BBOX1: variants seen among roughly 807,000 people sequenced by gnomAD.
The protein encoded by BBOX1 is gamma-butyrobetaine hydroxylase 1, also known as gamma-butyrobetaine dioxygenase.
A neutral mutation model predicts 41.6 loss-of-function variants in BBOX1; 35 were observed. The observed-to-expected ratio is 0.84, with a 90% CI of 0.64 to 1.11. The LOEUF is 1.11. Among genes scored for constraint, BBOX1 ranks in the 50% most tolerant of loss-of-function variants. The probability of loss-of-function intolerance (pLI) is 0.00; values close to 1 mark genes in which losing one functional copy is unlikely to be tolerated. For missense variants in BBOX1, 458 were observed against 460.6 expected (o/e 0.99, Z 0.05); for synonymous variants, 163 against 154.7 (o/e 1.05, Z -0.40).
In BBOX1 at chr11:27,127,489, A is replaced by C. The variant is rs1270594808; in HGVS notation, c.*36A>C. 1.3e-6 allele frequency: 2 copies of C among 1,575,508 alleles called. No homozygotes were observed. Among genetic ancestry groups the C allele is most frequent in the Non-Finnish European group, 1.7e-6 (2 of 1,165,260 alleles). On this transcript the variant is annotated 3_prime_UTR_variant, in exon 9 of 9. Coordinates refer to ENST00000263182, the MANE Select transcript of BBOX1 (RefSeq NM_003986.3). ...AGATAATTTTAATAAGATTCCAATG[A>C]CCATATTTTGTGAGATATGGCACAT...
At chr11:27,094,034 G>C (rs993346361) in intron 5 of BBOX1, among the ~76,000 whole-genome samples, 8 of 151,912 alleles carry the variant, frequency 5.3e-5, no homozygotes, top group Non-Finnish European at 1.2e-4. Context: ...CCCAAGAGTT[G>C]GCTGAAAATA....
At chr11:27,123,587 G>A (rs955522494) in intron 7 of BBOX1, among the ~76,000 whole-genome samples, 1 of 152,182 alleles carries the variant, frequency 6.6e-6, no homozygotes, top group Non-Finnish European at 1.5e-5. Flanking sequence ...GTCAGAAGCA[G>A]TAGGGCTAGA....
At chr11:27,067,999 G>A (rs1263298331) in intron 4 of BBOX1, among the ~76,000 whole-genome samples, 1 of 151,934 alleles carries the variant, frequency 6.6e-6, no homozygotes, top group African/African-American at 2.4e-5. Flanking sequence ...ACTTAGATTG[G>A]TCCCATAACT....
chr11:27,096,573 T>C (rs1858446245), intron 5 of BBOX1, among the ~76,000 whole-genome samples: 1 of 152,020 alleles, frequency 6.6e-6, no homozygotes, highest in Non-Finnish European at 1.5e-5. Flanking sequence ...GGGAAACTAG[T>C]ACCCACCTCG....
At chr11:27,104,662 T>TA (rs1374805943) in intron 5 of BBOX1, among the ~76,000 whole-genome samples, 3 of 152,064 alleles carry the variant, frequency 2.0e-5, no homozygotes, top group Non-Finnish European at 4.4e-5. Flanking sequence ...ATTTTCACCT[T>TA]AAAAAAATGG....
chr11:27,047,887 TCTA>T (rs1444139381), intron 2 of BBOX1, among the ~76,000 whole-genome samples: 2 of 152,150 alleles, frequency 1.3e-5, no homozygotes, highest in African/African-American at 2.4e-5. Context: ...TACTGCTACT[TCTA>T]CTACTATTAC....
chr11:27,114,026 A>T (rs889263199), intron 5 of BBOX1, among the ~76,000 whole-genome samples: 1 of 151,906 alleles, frequency 6.6e-6, no homozygotes, highest in African/African-American at 2.4e-5. Context: ...ACCCAAAAAA[A>T]GCTACTAAAG....
intron 7 of BBOX1, among the ~76,000 whole-genome samples, chr11:27,122,410 G>T (rs1859497534): frequency 6.6e-6 from 1 of 152,124 alleles, no homozygotes; most frequent in Non-Finnish European, 1.5e-5. Context: ...AGTAGGAATT[G>T]CAGAGTTAAT....
In BBOX1 at chr11:27,057,223, A is replaced by T. The variant is rs1423564749; in HGVS notation, c.242A>T (p.Glu81Val). The stretch of plus-strand genomic sequence containing the variant: ...AAGGTGTACATCACATGGCCCGATG[A>T]GCATTACAGTGAATTCCAGGCTGAT... ...RKKVYITWPD[E>V]HYSEFQADWL... is the part of the protein sequence containing the mutation. The change falls in exon 4 of 9, where the codon GAG (glutamate) becomes GTG (valine). Residue 81 changes from glutamate (E) to valine (V), a missense_variant. Physicochemically the swap from Glu to Val is moderately radical, Grantham distance 121. Transcript: ENST00000263182. The T allele has an allele frequency of 1.9e-6, 3 of 1,607,872 alleles. No individual in the cohort carries two copies. The highest frequency in any genetic ancestry group is 2.5e-6 in the Non-Finnish European group (3 of 1,178,598).
At chr11:27,043,264 C>T (rs886723351) in intron 2 of BBOX1, among the ~76,000 whole-genome samples, 1 of 151,980 alleles carries the variant, frequency 6.6e-6, no homozygotes, top group Non-Finnish European at 1.5e-5. Context: ...GGGGTTTCAC[C>T]GTGTTAGCCA....
chr11:27,072,048 C>T (rs1245182183), intron 4 of BBOX1, among the ~76,000 whole-genome samples: 2 of 152,160 alleles, frequency 1.3e-5, no homozygotes, highest in Non-Finnish European at 2.9e-5. Context: ...TCCTATTCAA[C>T]ATAGTGTTGG....
chr11:27,048,581 T>A (rs975145014), intron 2 of BBOX1, among the ~76,000 whole-genome samples: 1 of 151,874 alleles, frequency 6.6e-6, no homozygotes, highest in African/African-American at 2.4e-5. Context: ...GTTTGATATA[T>A]ACCACATTTT....
intron 5 of BBOX1, among the ~76,000 whole-genome samples, chr11:27,111,963 CA>C (rs1859083205): frequency 6.6e-6 from 1 of 151,810 alleles, no homozygotes; most frequent in Non-Finnish European, 1.5e-5. Context: ...GTACAAACAT[CA>C]AAAAAGAAAG....
chr11:27,066,166 G>A (rs1047765791), intron 4 of BBOX1, among the ~76,000 whole-genome samples: 1 of 152,046 alleles, frequency 6.6e-6, no homozygotes, highest in Non-Finnish European at 1.5e-5. Flanking sequence ...AGTGAATGAC[G>A]AGCTCCATTT....
At chr11:27,083,782 T>C (rs933443233) in intron 4 of BBOX1, among the ~76,000 whole-genome samples, 2 of 152,186 alleles carry the variant, frequency 1.3e-5, no homozygotes, top group African/African-American at 4.8e-5. Flanking sequence ...CTATCTTTAT[T>C]CACAAATGTA....
At position 27,040,992 on chromosome 11, in the gene BBOX1, G is replaced by C. The variant is rs1851332462; in HGVS notation, c.-338G>C. On this transcript the variant is annotated 5_prime_UTR_variant, in exon 1 of 9. Transcript: ENST00000263182. ...GTGAACTGCTTGTTCACTTGCTGCT[G>C]TTGCCACTGCTGGTACAGAAATAGA... 6.6e-6 allele frequency: 1 copy of C among 152,136 alleles called. No homozygotes were observed. Among genetic ancestry groups the C allele is most frequent in the Non-Finnish European group, 1.5e-5 (1 of 68,050 alleles). 9.4% of individuals were successfully genotyped at this position (152,136 alleles called of 1,614,324 possible).
At chr11:27,084,033 C>G (rs1038274553) in intron 4 of BBOX1, among the ~76,000 whole-genome samples, 1 of 152,088 alleles carries the variant, frequency 6.6e-6, no homozygotes, top group African/African-American at 2.4e-5. Context: ...TGCTAATCTC[C>G]CCTCTCTGCC....
At chr11:27,120,188 G>A (rs1415469775) in intron 7 of BBOX1, among the ~76,000 whole-genome samples, 1 of 152,068 alleles carries the variant, frequency 6.6e-6, no homozygotes, top group African/African-American at 2.4e-5. Flanking sequence ...GATCCCAAGA[G>A]TTAAACAATG....
chr11:27,044,931 T>A (rs1279054790), intron 2 of BBOX1, among the ~76,000 whole-genome samples: 1 of 152,200 alleles, frequency 6.6e-6, no homozygotes, highest in Non-Finnish European at 1.5e-5. Flanking sequence ...TGGTTCCACA[T>A]GAACTTTAAA....
Sources: gnomAD v4.1 joint callset for allele counts (sites outside exome capture counted in the v4.1 genomes callset) on GRCh38, gnomAD v4.1.1 for gene constraint, MANE v1.5 for transcripts, NCBI Gene and HGNC (gene_info 2026-07-23, HGNC 2026-07-21) for gene names.